The following DLG1 variants were observed in gnomAD, a reference collection of about 807,000 sequenced individuals.
DLG1 encodes discs large MAGUK scaffold protein 1, also known as disks large homolog 1.
A neutral mutation model predicts 123.4 loss-of-function variants in DLG1; 42 were observed. That is an observed-to-expected ratio of 0.34 (90% CI 0.27 to 0.44). The LOEUF (loss-of-function observed/expected upper bound fraction) is 0.44. Ranked by LOEUF, DLG1 falls within the 20% of genes least tolerant of loss-of-function variation. The pLI, the probability that DLG1 is intolerant of heterozygous loss-of-function variation, is 1.00. For missense variants in DLG1, 942 were observed against 1,082.6 expected, an observed-to-expected ratio of 0.87 and a Z score of 1.82; for synonymous variants, 317 against 356.2, an observed-to-expected ratio of 0.89 and a Z score of 1.24.
At chr3:197,277,440 A>T (rs1199470096) in intron 4 of DLG1, among the ~76,000 whole-genome samples, 1 of 152,094 alleles carries the variant, frequency 6.6e-6, no homozygotes, top group Non-Finnish European at 1.5e-5. Flanking sequence ...TCCTAGGTTC[A>T]TGCGATTCTC....
intron 5 of DLG1, among the ~76,000 whole-genome samples, chr3:197,181,752 C>A (rs1047759784): frequency 2.7e-4 from 41 of 149,536 alleles, no homozygotes; most frequent in African/African-American, 9.7e-4. Context: ...ACTCCTATTT[C>A]TAGAAATAAA....
intron 24 of DLG1, among the ~76,000 whole-genome samples, chr3:197,049,881 A>G (rs1463221019): frequency 6.6e-6 from 1 of 152,132 alleles, no homozygotes; most frequent in Non-Finnish European, 1.5e-5. Context: ...TAGGCAACAT[A>G]GCGAGACCCT....
At position 197,122,319 on chromosome 3, in the gene DLG1, A is replaced by G. The variant is rs551603274; in HGVS notation, c.1166-2789T>C. 2.0e-5 allele frequency among the ~76,000 whole-genome samples: 3 copies of G among 152,238 alleles called. No individual in the cohort carries two copies. In the East Asian group the frequency reaches 5.8e-4, roughly 29 times the overall value. ...AATAAAGATTAACTTTCTTAATACA[A>G]AAAGGGTATCTACAGAAGACCTGCT... On this transcript the variant is annotated intron_variant, in intron 11 of 24. Coordinates refer to ENST00000667157, the MANE Select transcript of DLG1 (RefSeq NM_001366207.1).
At chr3:197,114,678 G>A (rs1484636121) in intron 13 of DLG1, among the ~76,000 whole-genome samples, 1 of 152,114 alleles carries the variant, frequency 6.6e-6, no homozygotes, top group Non-Finnish European at 1.5e-5. Flanking sequence ...GTATATGAAA[G>A]CTTTTAAAAA....
At chr3:197,158,027 T>C (rs1797098527) in intron 5 of DLG1, among the ~76,000 whole-genome samples, 1 of 152,168 alleles carries the variant, frequency 6.6e-6, no homozygotes, top group Admixed American at 6.5e-5. Context: ...AGACATGTCT[T>C]GTCTGTAATC....
At chr3:197,261,699 T>G (rs954805982) in intron 4 of DLG1, among the ~76,000 whole-genome samples, 2 of 152,192 alleles carry the variant, frequency 1.3e-5, no homozygotes, top group African/African-American at 4.8e-5. Flanking sequence ...GAAAAGGAGT[T>G]AATACATAGA....
At chr3:197,093,331 G>A (rs952512373) in intron 14 of DLG1, among the ~76,000 whole-genome samples, 2 of 151,980 alleles carry the variant, frequency 1.3e-5, no homozygotes, top group African/African-American at 4.8e-5. Flanking sequence ...GCTAATTTTT[G>A]CATTTTTAAT....
At chr3:197,072,557 A>T (rs1744627708) in intron 18 of DLG1, among the ~76,000 whole-genome samples, 1 of 152,028 alleles carries the variant, frequency 6.6e-6, no homozygotes, top group Non-Finnish European at 1.5e-5. Context: ...ACTCTTGCCC[A>T]GTTTTCTAAT....
intron 5 of DLG1, among the ~76,000 whole-genome samples, chr3:197,164,073 G>C (rs186454841): frequency 7.9e-5 from 12 of 152,026 alleles, no homozygotes; most frequent in Non-Finnish European, 1.3e-4. Context: ...AAGTAATTTG[G>C]CAGTAAATAT....
chr3:197,076,496 T>C lies in DLG1; in HGVS notation c.2005+90A>G, dbSNP rs976551491. Reference sequence around the variant, plus strand: ...GACAATTAGCAACCTGCTGCAGCTCTTGAAACTGTCTCCATGGTAACAACC... The same window carrying C: ...GACAATTAGCAACCTGCTGCAGCTCCTGAAACTGTCTCCATGGTAACAACC... On this transcript the variant is annotated intron_variant, in intron 18 of 24. Transcript: ENST00000667157. The C allele has an allele frequency of 4.2e-6, 4 of 941,848 alleles. No homozygotes were observed. In the African/African-American group the frequency reaches 5.0e-5, roughly 12 times the overall value. 58.3% of individuals were successfully genotyped at this position (941,848 alleles called of 1,614,324 possible). A position where few individuals can be genotyped will look rare whatever the true frequency, so the allele number is the denominator to read the frequency against.
At chr3:197,256,626 A>G (rs375477426) in intron 4 of DLG1, among the ~76,000 whole-genome samples, 72 of 152,030 alleles carry the variant, frequency 4.7e-4, no homozygotes, top group African/African-American at 1.1e-3. Context: ...CATGTAAAAC[A>G]TAAGTTTCAG....
At chr3:197,287,951 G>C (rs1772632747) in intron 3 of DLG1, among the ~76,000 whole-genome samples, 1 of 152,042 alleles carries the variant, frequency 6.6e-6, no homozygotes, top group Non-Finnish European at 1.5e-5. Context: ...TTCATTTCTA[G>C]GAGTTTGTCC....
At chr3:197,161,717 AG>A in intron 5 of DLG1, 1 of 1,570,282 alleles carries the variant, frequency 6.4e-7, no homozygotes, top group South Asian at 1.2e-5. Context: ...GTGGGAGGAG[AG>A]GGAAGAACAG....
At chr3:197,125,844 G>A (rs967951976) in intron 11 of DLG1, among the ~76,000 whole-genome samples, 1 of 152,176 alleles carries the variant, frequency 6.6e-6, no homozygotes, top group African/African-American at 2.4e-5. Flanking sequence ...AAAGTCTTCA[G>A]TGACTACAGC....
In DLG1 at chr3:197,135,282, ATCCCC is replaced by A. The variant is rs1560942740; in HGVS notation, c.1020+1255_1020+1259del. 5.3e-5 allele frequency among the ~76,000 whole-genome samples: 8 copies of A among 152,270 alleles called. 1 individual carries two copies. Among genetic ancestry groups the A allele is most frequent in the African/African-American group, 1.9e-4 (8 of 41,546 alleles). On this transcript the variant is annotated intron_variant, in intron 10 of 24. Coordinates refer to ENST00000667157, the MANE Select transcript of DLG1 (RefSeq NM_001366207.1). Reference sequence around the variant, plus strand: ...CACCCAAATGTCATCCTGAATTGTAATCCCCATGTGTTGGGGGAGGGACCTTGTAG... The same window carrying A: ...CACCCAAATGTCATCCTGAATTGTAAATGTGTTGGGGGAGGGACCTTGTAG...
intron 4 of DLG1, among the ~76,000 whole-genome samples, chr3:197,270,566 G>A (rs1379368186): frequency 1.3e-5 from 2 of 152,132 alleles, no homozygotes; most frequent in Admixed American, 1.3e-4. Flanking sequence ...GATTAAATTA[G>A]GGAGAAAAAT....
chr3:197,228,031 G>A (rs1453076409), intron 4 of DLG1, among the ~76,000 whole-genome samples: 1 of 152,190 alleles, frequency 6.6e-6, no homozygotes, highest in East Asian at 1.9e-4. Context: ...CAGTGCCTCA[G>A]AGGTGTCACC....
intron 4 of DLG1, among the ~76,000 whole-genome samples, chr3:197,281,022 CTTTT>C (rs34918314): frequency 3.4e-4 from 46 of 133,556 alleles, no homozygotes; most frequent in African/African-American, 3.9e-4. Flanking sequence ...TGTGGAGGCT[CTTTT>C]TTTTTTTTTT....
intron 4 of DLG1, among the ~76,000 whole-genome samples, chr3:197,201,149 C>T (rs1188192361): frequency 2.0e-5 from 3 of 152,060 alleles, no homozygotes; most frequent in East Asian, 1.9e-4. Flanking sequence ...TTTGGGAGGC[C>T]GAGGCGGGAG....
Sources: allele counts gnomAD v4.1 joint callset (sites outside exome capture counted in the v4.1 genomes callset), GRCh38; gene constraint gnomAD v4.1.1; transcripts MANE v1.5; gene names NCBI Gene and HGNC (gene_info 2026-07-23, HGNC 2026-07-21).